KCNH7: variants seen among roughly 807,000 people sequenced by gnomAD.
KCNH7 encodes the protein voltage-gated inwardly rectifying potassium channel KCNH7.
In KCNH7, 49 loss-of-function variants were observed where a neutral mutation model predicts 120.8. The ratio of observed to expected loss-of-function variants is 0.41; its 90% confidence interval spans 0.32 to 0.51. KCNH7 has a LOEUF of 0.51. Ranked by LOEUF, KCNH7 falls within the 20% of genes least tolerant of loss-of-function variation. The probability of loss-of-function intolerance (pLI) is 0.38; values close to 1 mark genes in which losing one functional copy is unlikely to be tolerated. For missense variants in KCNH7, 1,097 were observed against 1,446.6 expected (o/e 0.76, Z 3.92); for synonymous variants, 547 against 516.1 (o/e 1.06, Z -0.81).
intron 6 of KCNH7, among the ~76,000 whole-genome samples, chr2:162,465,530 T>C (rs899051291): frequency 6.6e-6 from 1 of 152,218 alleles, no homozygotes; most frequent in Non-Finnish European, 1.5e-5. Context: ...TACAAAAATT[T>C]CTACCTGAGT....
intron 2 of KCNH7, among the ~76,000 whole-genome samples, chr2:162,593,289 C>T (rs7583462): frequency 0.019 from 2,959 of 152,136 alleles, 95 homozygotes; most frequent in African/African-American, 0.063. Flanking sequence ...CAAATAGTTC[C>T]ACTTTTCCTC....
At position 162,770,325 on chromosome 2, in the gene KCNH7, C is replaced by CAT. The variant is rs3052917; in HGVS notation, c.307+66210_307+66211dup. ...TGGATATAATATATATACATATTTA[C>CAT]ATATATATATATACATTCATATATA... On this transcript the variant is annotated intron_variant, in intron 2 of 15. Coordinates refer to ENST00000332142, the MANE Select transcript of KCNH7 (RefSeq NM_033272.4). 7.1e-4 allele frequency among the ~76,000 whole-genome samples: 105 copies of CAT among 148,774 alleles called. 1 individual carries two copies. In the South Asian group the frequency reaches 9.0e-3, roughly 13 times the overall value.
chr2:162,601,959 A>C (rs955996816), intron 2 of KCNH7, among the ~76,000 whole-genome samples: 2 of 152,262 alleles, frequency 1.3e-5, no homozygotes, highest in East Asian at 3.9e-4. Flanking sequence ...TAAACCAGAC[A>C]TAAGAATTTG....
chr2:162,548,106 G>A lies in KCNH7; in HGVS notation c.308-11026C>T, dbSNP rs551889308. ...GGGATTTTTATTTTTATTCTTTTAT[G>A]CCTATACTATTTTTACAGAAGAATA... On this transcript the variant is annotated intron_variant, in intron 2 of 15. Coordinates refer to ENST00000332142, the MANE Select transcript of KCNH7 (RefSeq NM_033272.4). Among the ~76,000 whole-genome samples the A allele has an allele frequency of 4.6e-5, 7 of 152,186 alleles. No homozygotes were observed. In the South Asian group the frequency reaches 1.5e-3, roughly 32 times the overall value.
chr2:162,425,037 T>C (rs527777333), intron 8 of KCNH7, among the ~76,000 whole-genome samples: 5 of 152,200 alleles, frequency 3.3e-5, no homozygotes, highest in South Asian at 4.2e-4. Context: ...ATCCAACTCA[T>C]TGAAGGCCTG....
chr2:162,432,150 C>A (rs1688090792), intron 8 of KCNH7, among the ~76,000 whole-genome samples: 1 of 151,866 alleles, frequency 6.6e-6, no homozygotes, highest in Non-Finnish European at 1.5e-5. Context: ...GATACCTATG[C>A]CACTAAAGCA....
At chr2:162,572,134 C>T (rs1306087383) in intron 2 of KCNH7, among the ~76,000 whole-genome samples, 6 of 151,906 alleles carry the variant, frequency 3.9e-5, no homozygotes, top group Admixed American at 2.0e-4. Flanking sequence ...AGAAAATTTT[C>T]GCAACCTACT....
At chr2:162,698,402 G>C (rs1327156520) in intron 2 of KCNH7, among the ~76,000 whole-genome samples, 2 of 143,860 alleles carry the variant, frequency 1.4e-5, no homozygotes, top group Non-Finnish European at 3.1e-5. Context: ...TATTTTTTTT[G>C]TTTTGTAGGA....
chr2:162,515,748 G>C (rs950884228), intron 4 of KCNH7, among the ~76,000 whole-genome samples: 2 of 151,756 alleles, frequency 1.3e-5, no homozygotes, highest in African/African-American at 4.8e-5. Context: ...TATGGCCTTA[G>C]ATGATTATCC....
chr2:162,756,105 T>C (rs1256387907), intron 2 of KCNH7, among the ~76,000 whole-genome samples: 1 of 152,172 alleles, frequency 6.6e-6, no homozygotes, highest in Non-Finnish European at 1.5e-5. Context: ...AAGTGAGTTA[T>C]AAAATAAACA....
intron 2 of KCNH7, among the ~76,000 whole-genome samples, chr2:162,712,763 A>T (rs1014838538): frequency 6.6e-6 from 1 of 152,192 alleles, no homozygotes; most frequent in East Asian, 1.9e-4. Context: ...ACCATTTAAA[A>T]AGCATAGAAG....
intron 2 of KCNH7, among the ~76,000 whole-genome samples, chr2:162,761,095 A>G (rs1184396589): frequency 6.6e-6 from 1 of 152,066 alleles, no homozygotes; most frequent in Non-Finnish European, 1.5e-5. Flanking sequence ...TAGTAACACA[A>G]TTCTCTTCTG....
chr2:162,424,411 T>C (rs75959645), intron 8 of KCNH7, among the ~76,000 whole-genome samples: 1,636 of 152,296 alleles, frequency 0.011, 13 homozygotes, highest in Middle Eastern at 0.017. Flanking sequence ...TAAAAATAAA[T>C]GCTATTCTCT....
chr2:162,529,449 T>C (rs1269345791), intron 3 of KCNH7, among the ~76,000 whole-genome samples: 1 of 151,966 alleles, frequency 6.6e-6, no homozygotes, highest in Non-Finnish European at 1.5e-5. Flanking sequence ...CAAGAAATGT[T>C]TAGAGAATTC....
chr2:162,556,145 C>CAT lies in KCNH7; in HGVS notation c.308-19067_308-19066dup, dbSNP rs200463381. Reference sequence around the variant, plus strand: ...TTGTTAAATATATATGACACACACACATATATATATAATTATGCATGCTTA... The same window carrying CAT: ...TTGTTAAATATATATGACACACACACATATATATATATAATTATGCATGCTTA... On this transcript the variant is annotated intron_variant, in intron 2 of 15. Coordinates refer to ENST00000332142, the MANE Select transcript of KCNH7 (RefSeq NM_033272.4). Among the ~76,000 whole-genome samples, 539 of 151,994 alleles carry CAT rather than the reference C, an allele frequency of 3.5e-3. 3 individuals are homozygous for CAT. Among genetic ancestry groups the CAT allele is most frequent in the African/African-American group, 0.012 (504 of 41,480 alleles).
At chr2:162,519,978 A>G (rs1016664102) in intron 3 of KCNH7, among the ~76,000 whole-genome samples, 2 of 151,760 alleles carry the variant, frequency 1.3e-5, no homozygotes, top group Non-Finnish European at 3.0e-5. Flanking sequence ...CTACATGCAC[A>G]TATTTAATTC....
At chr2:162,762,216 T>G (rs72875405) in intron 2 of KCNH7, among the ~76,000 whole-genome samples, 4,780 of 152,072 alleles carry the variant, frequency 0.031, 111 homozygotes, top group African/African-American at 0.069. Flanking sequence ...TTGTTTGTTT[T>G]TTTTCTACAC....
chr2:162,488,853 G>A (rs183751905), intron 6 of KCNH7, among the ~76,000 whole-genome samples: 122 of 152,218 alleles, frequency 8.0e-4, no homozygotes, highest in African/African-American at 2.8e-3. Flanking sequence ...CCGGCATAAC[G>A]AACATATAAA....
intron 6 of KCNH7, among the ~76,000 whole-genome samples, chr2:162,464,522 G>A (rs879835638): frequency 4.0e-5 from 6 of 151,876 alleles, no homozygotes; most frequent in Non-Finnish European, 7.4e-5. Flanking sequence ...CTAACCTCTA[G>A]CCTAATAATT....
Sources: gnomAD v4.1 joint callset for allele counts (sites outside exome capture counted in the v4.1 genomes callset) on GRCh38, gnomAD v4.1.1 for gene constraint, MANE v1.5 for transcripts, NCBI Gene and HGNC (gene_info 2026-07-23, HGNC 2026-07-21) for gene names.